MMP21: variants seen among roughly 807,000 people sequenced by gnomAD.
MMP21 encodes matrix metalloproteinase-21.
MMP21 carries 40 observed loss-of-function variants against 47.8 expected under a neutral mutation model. That is an observed-to-expected ratio of 0.84 (90% CI 0.65 to 1.09). The LOEUF is 1.09. Ranked by LOEUF, MMP21 falls within the 50% of genes least tolerant of loss-of-function variation. MMP21 has a pLI of 0.00. For synonymous variants in MMP21, 341 were observed against 318.0 expected, an observed-to-expected ratio of 1.07 and a Z score of -0.77; for missense variants, 747 against 775.3, an observed-to-expected ratio of 0.96 and a Z score of 0.43.
Position 125,773,052 on chromosome 10 carries a change from C to T in MMP21, c.698-302G>A, listed in dbSNP as rs1481559638. ...CAAAAAGGCCTCACCCGGACAAGAT[C>T]GGGGCCGGATCCTCGCCTCTGCGGA... On this transcript the variant is annotated intron_variant, in intron 2 of 6. Coordinates refer to ENST00000368808, the MANE Select transcript of MMP21 (RefSeq NM_147191.1). The surrounding 1 kb of genome is among the most constrained non-coding windows in gnomAD (Gnocchi z 4.8). 1.3e-5 allele frequency among the ~76,000 whole-genome samples: 2 copies of T among 152,228 alleles called. No homozygotes were observed. Among genetic ancestry groups the T allele is most frequent in the Non-Finnish European group, 1.5e-5 (1 of 68,040 alleles).
At chr10:125,771,244 T>C (rs1227222219) in intron 4 of MMP21, among the ~76,000 whole-genome samples, 1 of 152,098 alleles carries the variant, frequency 6.6e-6, no homozygotes, top group Non-Finnish European at 1.5e-5. Context: ...TGATGGCAGT[T>C]TGACTTCATT....
chr10:125,770,849 CAA>C (rs5788714), intron 4 of MMP21, among the ~76,000 whole-genome samples: 14 of 98,024 alleles, frequency 1.4e-4, no homozygotes, highest in South Asian at 3.3e-4. Flanking sequence ...CCAGTGTCTA[CAA>C]AAAAAAAAAA....
At position 125,766,507 on chromosome 10, in the gene MMP21, AAT is replaced by A. The variant is rs1850387244; in HGVS notation, c.*153_*154del. On this transcript the variant is annotated 3_prime_UTR_variant, in exon 7 of 7. Transcript: ENST00000368808. ...TGTTTTGCCTGAGCAATTGTTTTTAAATCAAGTATTTTAAAAGTTCAACTAAG... is the reference window on the plus strand; with the variant it reads ...TGTTTTGCCTGAGCAATTGTTTTTAACAAGTATTTTAAAAGTTCAACTAAG... The A allele has an allele frequency of 1.7e-6, 1 of 586,554 alleles. No homozygotes were observed. Among genetic ancestry groups the A allele is most frequent in the Admixed American group, 3.7e-5 (1 of 27,092 alleles). The allele number at this position is 586,554 out of a possible 1,614,324, so 36.3% of individuals were successfully genotyped here.
At chr10:125,771,823 T>C (rs979363394) in intron 4 of MMP21, among the ~76,000 whole-genome samples, 5 of 152,114 alleles carry the variant, frequency 3.3e-5, no homozygotes. Context: ...CGATTCTAAA[T>C]AGAGATTGGA....
intron 1 of MMP21, among the ~76,000 whole-genome samples, chr10:125,774,636 G>A (rs756684730): frequency 2.0e-4 from 31 of 152,324 alleles, no homozygotes; most frequent in Admixed American, 5.2e-4. Context: ...TCCTGAGTGC[G>A]GGCCCTGGAT....
rs1020282100 is a variant in MMP21, at chr10:125,774,032, C to T, written c.496G>A (p.Gly166Arg). The part of the protein sequence containing the change: ...GWQPRGYPDG[G>R]AAQAFSKRTL... ...CTCTTGGAGAAGGCCTGGGCAGCTC[C>T]GCCGTCGGGGTAGCCCCGGGGCTGC... Residue 166 changes from glycine to arginine, a missense_variant, in exon 2 of 7, where the codon GGA becomes AGA. By Grantham distance (125) the Gly-to-Arg change is moderately radical. Coordinates refer to ENST00000368808, the MANE Select transcript of MMP21 (RefSeq NM_147191.1). 2.0e-6 allele frequency: 3 copies of T among 1,498,374 alleles called. No individual in the cohort carries two copies. The highest frequency in any genetic ancestry group is 4.3e-5 in the Admixed American group (2 of 46,796). 92.8% of individuals were successfully genotyped at this position (1,498,374 alleles called of 1,614,324 possible).
At position 125,766,610 on chromosome 10, in the gene MMP21, G is replaced by GT; in HGVS notation, c.*51dup. 7 of 1,445,550 alleles carry GT rather than the reference G, an allele frequency of 4.8e-6. No homozygotes were observed. The highest frequency in any genetic ancestry group is 6.5e-6 in the Non-Finnish European group (7 of 1,079,538). 89.5% of individuals were successfully genotyped at this position (1,445,550 alleles called of 1,614,324 possible). ...GAAAATCCGGTTTTCTTTGTAAACA[G>GT]TATCAGAATTTTAGCGAAGTCCTAT... is the stretch of plus-strand genomic sequence containing the variant. On this transcript the variant is annotated 3_prime_UTR_variant, in exon 7 of 7. Transcript: ENST00000368808.
chr10:125,770,425 G>C lies in MMP21; in HGVS notation c.1146C>G (p.Ile382Met). The part of the protein sequence containing the change: ...NRTRYGDPIQ[I>M]LTGWPGIPTH... Reference sequence around the variant, plus strand: ...TTGGGATTCCAGGCCAGCCAGTGAGGATTTGGATAGGGTCCCCATAGCGTG... The same window carrying C: ...TTGGGATTCCAGGCCAGCCAGTGAGCATTTGGATAGGGTCCCCATAGCGTG... The change falls in exon 5 of 7, where the codon ATC becomes ATG. Residue 382 changes from isoleucine (I) to methionine (M), a missense_variant. By Grantham distance (10) the Ile-to-Met change is conservative. Coordinates refer to ENST00000368808, the MANE Select transcript of MMP21 (RefSeq NM_147191.1). 1 of 1,614,188 alleles carries C rather than the reference G, an allele frequency of 6.2e-7. No individual in the cohort carries two copies. The highest frequency in any genetic ancestry group is 8.5e-7 in the Non-Finnish European group (1 of 1,180,038).
In MMP21 at chr10:125,774,240, G is replaced by A. The variant is rs986477633; in HGVS notation, c.288C>T (p.Asn96=). Residue 96 remains asparagine (N), a synonymous_variant, in exon 2 of 7, where the codon AAC becomes AAT. Transcript: ENST00000368808. ...CCAGCTCCCCGCTGGCCGGCAGCGC[G>A]TTCGCCCGCTGGAACCTGCGCACCG... ...AEAVRRFQRA[N]ALPASGELDA... 2.8e-6 allele frequency: 4 copies of A among 1,408,106 alleles called. No homozygotes were observed. The highest frequency in any genetic ancestry group is 2.5e-4 in the Middle Eastern group (1 of 3,992). 87.2% of individuals were successfully genotyped at this position (1,408,106 alleles called of 1,614,324 possible).
intron 5 of MMP21, among the ~76,000 whole-genome samples, chr10:125,769,297 T>C (rs1041834138): frequency 2.6e-5 from 4 of 152,192 alleles, no homozygotes; most frequent in Admixed American, 2.6e-4. Flanking sequence ...CATCAGTCTC[T>C]GTCTTCCAGC....
intron 1 of MMP21, among the ~76,000 whole-genome samples, chr10:125,774,805 G>C (rs181203292): frequency 1.5e-3 from 232 of 152,322 alleles, no homozygotes; most frequent in African/African-American, 5.4e-3. Context: ...GTGCGGGGCA[G>C]GTGGGGGGTG....
At position 125,774,129 on chromosome 10, in the gene MMP21, G is replaced by C; in HGVS notation, c.399C>G (p.Pro133=). The part of the protein sequence containing the change: ...RPPPPSAPPS[P]PGPPPRARSR... ...AGCGGGCTCTGGGGGGCGGGCCCGG[G>C]GGCGAAGGCGGGGCGGAGGGGGGCG... The change falls in exon 2 of 7, where the codon CCC becomes CCG. Residue 133 remains proline (P), a synonymous_variant. Coordinates refer to ENST00000368808, the MANE Select transcript of MMP21 (RefSeq NM_147191.1). The C allele has an allele frequency of 1.1e-5, 14 of 1,296,502 alleles. No homozygotes were observed. Among genetic ancestry groups the C allele is most frequent in the Non-Finnish European group, 1.4e-5 (14 of 1,027,280 alleles). 80.3% of individuals were successfully genotyped at this position (1,296,502 alleles called of 1,614,324 possible). A position where few individuals can be genotyped will look rare whatever the true frequency, so the allele number is the denominator to read the frequency against.
At position 125,772,196 on chromosome 10, in the gene MMP21, A is replaced by G; in HGVS notation, c.979+22T>C. Reference sequence around the variant, plus strand: ...TACAGTGTCCTCCGCTAGCTCAGGGATGCCCTCCGCAGCAGTCTTACCATA... The same window carrying G: ...TACAGTGTCCTCCGCTAGCTCAGGGGTGCCCTCCGCAGCAGTCTTACCATA... On this transcript the variant is annotated intron_variant, in intron 4 of 6. Transcript: ENST00000368808. The surrounding 1 kb of genome is among the most constrained non-coding windows in gnomAD (Gnocchi z 5.6). 1 of 1,613,812 alleles carries G rather than the reference A, an allele frequency of 6.2e-7. No homozygotes were observed. The highest frequency in any genetic ancestry group is 8.5e-7 in the Non-Finnish European group (1 of 1,179,792).
In MMP21 at chr10:125,775,798, A is replaced by C. The variant is rs376640952; in HGVS notation, c.24T>G (p.Arg8=). 7 of 1,611,562 alleles carry C rather than the reference A, an allele frequency of 4.3e-6. No homozygotes were observed. The highest frequency in any genetic ancestry group is 5.9e-6 in the Non-Finnish European group (7 of 1,179,086). MLAASIF[R]PTLLLCWLAA... ...CCAGCCAGCAGAGCAGCAGTGTCGGACGGAAGATGGAGGCGGCGAGCATTG... is the reference window on the plus strand; with the variant it reads ...CCAGCCAGCAGAGCAGCAGTGTCGGCCGGAAGATGGAGGCGGCGAGCATTG... The change falls in exon 1 of 7, where the codon CGT becomes CGG. Residue 8 remains arginine (R), a synonymous_variant. Transcript: ENST00000368808.
At chr10:125,768,592 G>C (rs1439921686) in intron 5 of MMP21, among the ~76,000 whole-genome samples, 1 of 152,126 alleles carries the variant, frequency 6.6e-6, no homozygotes, top group Non-Finnish European at 1.5e-5. Flanking sequence ...AATATACTTG[G>C]AAAATTTCAC....
In MMP21 at chr10:125,770,379, C is replaced by G. The variant is rs758225850; in HGVS notation, c.1192G>C (p.Val398Leu). 2.4e-5 allele frequency: 38 copies of G among 1,613,992 alleles called. No homozygotes were observed. In the Middle Eastern group the frequency reaches 4.9e-4, roughly 21 times the overall value. The stretch of plus-strand genomic sequence containing the variant: ...TCTCTTTTCCATGTCCAGATGTGAA[C>G]AAAGGCATCTATGTTGTGTGTTGGG... ...GIPTHNIDAF[V>L]HIWTWKRDER... Residue 398 changes from valine to leucine, a missense_variant, in exon 5 of 7, where the codon GTT becomes CTT. By Grantham distance (32) the Val-to-Leu change is conservative. Coordinates refer to ENST00000368808, the MANE Select transcript of MMP21 (RefSeq NM_147191.1).
rs1192880350 is a variant in MMP21 at position 125,774,001 on chromosome 10, A to G, written c.527T>C (p.Leu176Pro). Residue 176 changes from leucine to proline, a missense_variant, in exon 2 of 7, where the codon CTG (leucine) becomes CCG (proline). By Grantham distance (98) the Leu-to-Pro change is moderately conservative. Coordinates refer to ENST00000368808, the MANE Select transcript of MMP21 (RefSeq NM_147191.1). Reference sequence around the variant, plus strand: ...GGCCTCGCCCAGCAGCCGCCAGCTCAGCGTCCTCTTGGAGAAGGCCTGGGC... The same window carrying G: ...GGCCTCGCCCAGCAGCCGCCAGCTCGGCGTCCTCTTGGAGAAGGCCTGGGC... ...GAAQAFSKRT[L>P]SWRLLGEALS... The G allele has an allele frequency of 1.9e-6, 3 of 1,552,644 alleles. No individual in the cohort carries two copies. Among genetic ancestry groups the G allele is most frequent in the Non-Finnish European group, 2.6e-6 (3 of 1,157,930 alleles).
chr10:125,774,188 G>C lies in MMP21; in HGVS notation c.340C>G (p.Arg114Gly). ...ATGTCCGGGACCCCGCAGCGCGGCC[G>C]GTTCATGGCCGCTAGGGTGGCCGCG... ...LDAATLAAMNRPRCGVPDMRP... is the reference protein window; with the variant it reads ...LDAATLAAMNGPRCGVPDMRP... The change falls in exon 2 of 7, where the codon CGG becomes GGG. Residue 114 changes from arginine to glycine, a missense_variant. Physicochemically the swap from Arg to Gly is moderately radical, Grantham distance 125. Coordinates refer to ENST00000368808, the MANE Select transcript of MMP21 (RefSeq NM_147191.1). The C allele has an allele frequency of 7.8e-7, 1 of 1,278,300 alleles. No homozygotes were observed. Among genetic ancestry groups the C allele is most frequent in the Non-Finnish European group, 9.8e-7 (1 of 1,016,034 alleles). The allele number at this position is 1,278,300 out of a possible 1,614,324, so 79.2% of individuals were successfully genotyped here.
In MMP21 at chr10:125,773,711, C is replaced by T. The variant is rs1274018517; in HGVS notation, c.697+120G>A. The T allele has an allele frequency of 4.0e-6, 5 of 1,261,796 alleles. No individual in the cohort carries two copies. Among genetic ancestry groups the T allele is most frequent in the African/African-American group, 1.6e-5 (1 of 64,060 alleles). The allele number at this position is 1,261,796 out of a possible 1,614,324, so 78.2% of individuals were successfully genotyped here. The stretch of plus-strand genomic sequence containing the variant: ...CTTCTGCCTGCCCCGCTGACAGGTG[C>T]CCCCGGGACAGGCCGGGAGGGCTTA... On this transcript the variant is annotated intron_variant, in intron 2 of 6. Coordinates refer to ENST00000368808, the MANE Select transcript of MMP21 (RefSeq NM_147191.1). This position sits in a 1 kb window ranked among gnomAD's most constrained non-coding sequence, Gnocchi z 4.8.
Sources: gnomAD v4.1 joint callset for allele counts (sites outside exome capture counted in the v4.1 genomes callset) on GRCh38, gnomAD v4.1.1 for gene constraint, Gnocchi (gnomAD v3.1) non-coding constraint, MANE v1.5 for transcripts, NCBI Gene and HGNC (gene_info 2026-07-23, HGNC 2026-07-21) for gene names.